Variants in WDR36 observed in about 807,000 individuals in gnomAD.
WDR36 encodes the protein WD repeat domain 36.
A neutral mutation model predicts 112.7 loss-of-function variants in WDR36; 63 were observed. The ratio of observed to expected loss-of-function variants is 0.56; its 90% CI spans 0.46 to 0.69. WDR36 has a LOEUF of 0.69. Among genes scored for constraint, WDR36 ranks in the 30% least tolerant of loss-of-function variants. The probability of loss-of-function intolerance (pLI) is 0.00; values close to 1 mark genes in which losing one functional copy is unlikely to be tolerated. For missense variants in WDR36, 1,226 were observed against 1,070.3 expected (o/e 1.15, Z -2.03); for synonymous variants, 410 against 362.2 (o/e 1.13, Z -1.50).
At chr5:111,104,156 T>C (rs895442788) in intron 7 of WDR36, 21 bp from the exon 8 acceptor site, 3 of 1,598,236 alleles carry the variant, frequency 1.9e-6, no homozygotes, top group Admixed American at 1.7e-5. Context: ...TTTTTCTTAA[T>C]GTATTTTATT....
At chr5:111,114,054 A>G (rs75471284) in intron 16 of WDR36, among the ~76,000 whole-genome samples, 2,649 of 152,256 alleles carry the variant, frequency 0.017, 30 homozygotes, top group Non-Finnish European at 0.029. Flanking sequence ...TTTGGTTAAA[A>G]CGTAACAAAT....
chr5:111,110,664 CA>C (rs1753313548), intron 13 of WDR36, 123 bp from the exon 14 acceptor site: 2 of 1,099,204 alleles, frequency 1.8e-6, no homozygotes, highest in African/African-American at 1.6e-5. Flanking sequence ...AGATTAATTT[CA>C]AGATTTTAAA....
intron 2 of WDR36, among the ~76,000 whole-genome samples, chr5:111,096,197 T>G (rs1375815243): frequency 6.6e-6 from 1 of 152,114 alleles, no homozygotes; most frequent in Non-Finnish European, 1.5e-5. Flanking sequence ...GAGAGAAGAA[T>G]CATATGTCAC....
At chr5:111,123,406 T>C (rs973479102) in intron 19 of WDR36, among the ~76,000 whole-genome samples, 1 of 152,218 alleles carries the variant, frequency 6.6e-6, no homozygotes, top group African/African-American at 2.4e-5. Flanking sequence ...AGAAACTCTT[T>C]TGTATTAAGC....
chr5:111,115,945 C>A (rs1252156270), intron 16 of WDR36, among the ~76,000 whole-genome samples: 1 of 151,776 alleles, frequency 6.6e-6, no homozygotes, highest in Non-Finnish European at 1.5e-5. Flanking sequence ...TGAATTCTTT[C>A]TTATTTTTTT....
chr5:111,111,601 C>A, intron 15 of WDR36: 1 of 272,936 alleles, frequency 3.7e-6, no homozygotes, highest in Non-Finnish European at 7.1e-6. Context: ...TGGGAGAACT[C>A]ATTTCTGATT....
intron 11 of WDR36, among the ~76,000 whole-genome samples, chr5:111,106,511 G>A (rs1753224662): frequency 6.6e-6 from 1 of 151,394 alleles, no homozygotes; most frequent in Non-Finnish European, 1.5e-5. Context: ...TGAGGTCTTA[G>A]TATACTATGT....
At chr5:111,108,618 A>G (rs1413197404) in intron 12 of WDR36, among the ~76,000 whole-genome samples, 1 of 151,374 alleles carries the variant, frequency 6.6e-6, no homozygotes, top group Non-Finnish European at 1.5e-5. Flanking sequence ...ATCACAGGTA[A>G]CATTTTCTGT....
At position 111,103,810 on chromosome 5, in the gene WDR36, A is replaced by G. The variant is rs11241095; in HGVS notation, c.622A>G (p.Ile208Val). 494,030 of 1,610,358 alleles carry G rather than the reference A, an allele frequency of 0.31. 79,260 individuals carry two copies. The highest frequency in any genetic ancestry group is 0.4 in the South Asian group (36,564 of 90,940). The stretch of plus-strand genomic sequence containing the variant: ...GGCACCAGCCGTGGATGTTGTTGCT[A>G]TTGGTCTTATGTCAGGTCAAGTTAT... Reference protein sequence around the residue: ...QQAPAVDVVAIGLMSGQVIIH... With the variant: ...QQAPAVDVVAVGLMSGQVIIH... Residue 208 changes from isoleucine (I) to valine (V), a missense_variant, in exon 7 of 23, where the codon ATT becomes GTT. Ile to Val is a conservative substitution (Grantham distance 29). Coordinates refer to ENST00000513710, the MANE Select transcript of WDR36 (RefSeq NM_139281.3).
chr5:111,105,639 A>G (rs1242868462), intron 10 of WDR36, among the ~76,000 whole-genome samples: 1 of 151,494 alleles, frequency 6.6e-6, no homozygotes, highest in Non-Finnish European at 1.5e-5. Flanking sequence ...CTATCTGTAG[A>G]GTGCACAGTT....
intron 5 of WDR36, among the ~76,000 whole-genome samples, chr5:111,101,039 G>A (rs1374057437): frequency 6.6e-6 from 1 of 152,094 alleles, no homozygotes; most frequent in Middle Eastern, 3.4e-3. Flanking sequence ...ATGCATAAAT[G>A]TGTGAAAGTT....
Position 111,113,052 on chromosome 5 carries a change from ATT to A in WDR36, c.1717-11_1717-10del, listed in dbSNP as rs201180028. On this transcript the variant is annotated intron_variant, in intron 15 of 22. Transcript: ENST00000513710. ...ATATAAATAATATATATATATATAT[ATT>A]TTTTTTTTTTAATTTAAAGGCTTTT... The A allele has an allele frequency of 0.4, 187,841 of 469,254 alleles. 46,350 individuals carry two copies. The highest frequency in any genetic ancestry group is 0.46 in the Non-Finnish European group (150,049 of 324,084). 29.1% of individuals were successfully genotyped at this position (469,254 alleles called of 1,614,324 possible). A position where few individuals can be genotyped will look rare whatever the true frequency, so the allele number is the denominator to read the frequency against.
rs748930148 is a variant in WDR36 at position 111,110,171 on chromosome 5, G to C, written c.1327-18G>C. 1.2e-5 allele frequency: 19 copies of C among 1,557,390 alleles called. No individual in the cohort carries two copies. The highest frequency in any genetic ancestry group is 1.6e-5 in the Non-Finnish European group (18 of 1,129,666). ...AAATGTTAGTTATTTTGTCATTTGTGGGTTTTTTTTCTTAAAGGCAGTGGA... is the reference window on the plus strand; with the variant it reads ...AAATGTTAGTTATTTTGTCATTTGTCGGTTTTTTTTCTTAAAGGCAGTGGA... On this transcript the variant is annotated intron_variant, in intron 12 of 22. Transcript: ENST00000513710.
In WDR36 at chr5:111,100,510, C is replaced by CT. The variant is rs1346361764; in HGVS notation, c.410-76dup. 8.0e-5 allele frequency: 80 copies of CT among 996,434 alleles called. No homozygotes were observed. The East Asian group carries it at 1.9e-3, about 24-fold the overall frequency. The allele number at this position is 996,434 out of a possible 1,614,324, so 61.7% of individuals were successfully genotyped here. On this transcript the variant is annotated intron_variant, in intron 4 of 22. Coordinates refer to ENST00000513710, the MANE Select transcript of WDR36 (RefSeq NM_139281.3). Reference sequence around the variant, plus strand: ...ATAAATCTTTGATGTGATAGACTTACTTTAAGTGATAAATATATGGTTACA... The same window carrying CT: ...ATAAATCTTTGATGTGATAGACTTACTTTTAAGTGATAAATATATGGTTACA...
Position 111,100,605 on chromosome 5 carries a change from G to A in WDR36, c.426G>A (p.Leu142=). Residue 142 remains leucine (L), a synonymous_variant, in exon 5 of 23, where the codon TTG becomes TTA. Coordinates refer to ENST00000513710, the MANE Select transcript of WDR36 (RefSeq NM_139281.3). ...CTTTTGTAGAAGAATACCTGCAGTT[G>A]ACTTTTGATAAATCAGTATTTAAAA... is the stretch of plus-strand genomic sequence containing the variant. ...HIYSEEEYLQ[L]TFDKSVFKIS... The A allele has an allele frequency of 6.3e-7, 1 of 1,580,346 alleles. No individual in the cohort carries two copies.
chr5:111,104,533 T>C (rs1753186199), intron 8 of WDR36, among the ~76,000 whole-genome samples, 164 bp from the exon 9 acceptor site: 1 of 151,658 alleles, frequency 6.6e-6, no homozygotes, highest in South Asian at 2.1e-4. Context: ...GGGAAAGAAT[T>C]ACAGTTTATT....
intron 16 of WDR36, 120 bp downstream of exon 16, chr5:111,113,273 T>C: frequency 1.9e-6 from 1 of 515,082 alleles, no homozygotes; most frequent in Non-Finnish European, 3.6e-6. Flanking sequence ...TATTTGGAGA[T>C]TTTTCTGACA....
At chr5:111,095,012 T>C (rs1417905353) in intron 2 of WDR36, 65 bp downstream of exon 2, 5 of 1,457,122 alleles carry the variant, frequency 3.4e-6, no homozygotes, top group African/African-American at 2.8e-5. Context: ...GACATAAATG[T>C]GAGACTTACA....
chr5:111,094,004 T>A lies in WDR36; in HGVS notation c.163-916T>A, dbSNP rs1752924323. 2.6e-5 allele frequency among the ~76,000 whole-genome samples: 4 copies of A among 151,248 alleles called. No homozygotes were observed. The South Asian group carries it at 8.3e-4, about 31-fold the overall frequency. ...AACCAATGCATTGGGCTGTGACCTCTAAAACTGAAAATACTTGGGAGTAAA... is the reference window on the plus strand; with the variant it reads ...AACCAATGCATTGGGCTGTGACCTCAAAAACTGAAAATACTTGGGAGTAAA... On this transcript the variant is annotated intron_variant, in intron 1 of 22. Transcript: ENST00000513710.
Sources: allele counts gnomAD v4.1 joint callset (sites outside exome capture counted in the v4.1 genomes callset), GRCh38; gene constraint gnomAD v4.1.1; transcripts MANE v1.5; gene names NCBI Gene and HGNC (gene_info 2026-07-23, HGNC 2026-07-21).